The following PLD1 variants were observed in gnomAD, a reference collection of about 807,000 sequenced individuals.
PLD1 encodes the protein choline phosphatase 1.
Under a neutral mutation model 137.1 loss-of-function variants are expected in PLD1, and 112 were observed. The observed-to-expected ratio is 0.82, with a 90% CI of 0.70 to 0.96. The LOEUF is 0.96. PLD1 is among the 40% of genes least tolerant of loss of function. PLD1 has a pLI of 0.00. For synonymous variants in PLD1, 431 were observed against 454.7 expected, an observed-to-expected ratio of 0.95 and a Z score of 0.66; for missense variants, 1,321 against 1,342.0, an observed-to-expected ratio of 0.98 and a Z score of 0.24.
intron 22 of PLD1, among the ~76,000 whole-genome samples, chr3:171,644,154 A>C (rs1047469223): frequency 6.6e-6 from 1 of 152,166 alleles, no homozygotes; most frequent in Non-Finnish European, 1.5e-5. Context: ...TTTGATTAGA[A>C]AGGTGAGAAA....
chr3:171,622,904 C>T (rs968616583), intron 23 of PLD1, among the ~76,000 whole-genome samples: 2 of 151,580 alleles, frequency 1.3e-5, no homozygotes, highest in African/African-American at 4.8e-5. Context: ...ACAATAACCA[C>T]TTAGAGAATA....
intron 12 of PLD1, among the ~76,000 whole-genome samples, chr3:171,696,186 A>G (rs1715672572): frequency 6.6e-6 from 1 of 152,202 alleles, no homozygotes; most frequent in African/African-American, 2.4e-5. Flanking sequence ...ACAAGCTTCT[A>G]AGGTTGAGAT....
intron 1 of PLD1, among the ~76,000 whole-genome samples, chr3:171,748,032 T>C (rs1445193264): frequency 6.6e-6 from 1 of 152,198 alleles, no homozygotes; most frequent in African/African-American, 2.4e-5. Context: ...TCAACATTAC[T>C]AAATGTTAGA....
chr3:171,642,407 G>C (rs1735828689), intron 23 of PLD1, among the ~76,000 whole-genome samples: 1 of 145,148 alleles, frequency 6.9e-6, no homozygotes, highest in African/African-American at 2.7e-5. Context: ...CAGTGAGCTG[G>C]GACCACACCA....
chr3:171,737,791 C>G, intron 2 of PLD1, 101 bp downstream of exon 2: 1 of 1,409,250 alleles, frequency 7.1e-7, no homozygotes, highest in Non-Finnish European at 9.7e-7. Context: ...GGTGTTACAT[C>G]TGCAAGGAAA....
At position 171,713,936 on chromosome 3, in the gene PLD1, C is replaced by G. The variant is rs142070781; in HGVS notation, c.868G>C (p.Glu290Gln). 2,767 of 1,613,138 alleles carry G rather than the reference C, an allele frequency of 1.7e-3. 8 individuals are homozygous for G. The highest frequency in any genetic ancestry group is 3.1e-3 in the Middle Eastern group (19 of 6,058). The part of the protein sequence containing the change: ...KEFKIKVGKK[E>Q]TETKYGIRID... ...CGGATTCCATATTTCGTTTCTGTCT[C>G]CTTCTTCCCCACCTTAATTTTGAAT... is the stretch of plus-strand genomic sequence containing the variant. The change falls in exon 9 of 27, where the codon GAG (glutamate) becomes CAG (glutamine). Residue 290 changes from glutamate (E) to glutamine (Q), a missense_variant. Transcript: ENST00000351298.
intron 19 of PLD1, among the ~76,000 whole-genome samples, chr3:171,671,913 A>C (rs1442815005): frequency 2.0e-5 from 3 of 151,894 alleles, no homozygotes; most frequent in Non-Finnish European, 4.4e-5. Context: ...AAAAAAAAAA[A>C]CATCCAAAGT....
intron 2 of PLD1, 94 bp downstream of exon 2, chr3:171,737,798 G>T: frequency 7.0e-7 from 1 of 1,434,904 alleles, no homozygotes; most frequent in Non-Finnish European, 9.5e-7. Flanking sequence ...CATCTGCAAG[G>T]AAAATCAATC....
intron 18 of PLD1, among the ~76,000 whole-genome samples, 175 bp from the exon 19 acceptor site, chr3:171,674,788 G>C (rs1381186228): frequency 6.6e-6 from 1 of 151,862 alleles, no homozygotes; most frequent in African/African-American, 2.4e-5. Flanking sequence ...GATCAGCCTG[G>C]CCAACACGGT....
At chr3:171,792,537 C>T (rs890955955) in intron 1 of PLD1, 2 of 455,994 alleles carry the variant, frequency 4.4e-6, no homozygotes, top group Non-Finnish European at 8.8e-6. Context: ...GCTGAGCAAA[C>T]CAGGGGACAA....
intron 19 of PLD1, among the ~76,000 whole-genome samples, chr3:171,669,701 T>G (rs1373238717): frequency 1.3e-5 from 2 of 152,270 alleles, no homozygotes; most frequent in African/African-American, 4.8e-5. Context: ...GCGCCCAGCC[T>G]GTTGCAAACT....
intron 23 of PLD1, among the ~76,000 whole-genome samples, chr3:171,621,917 T>C (rs1336993009): frequency 2.1e-4 from 32 of 152,176 alleles, no homozygotes; most frequent in Admixed American, 2.1e-3. Flanking sequence ...ATTTATATAA[T>C]CTTCAAGTTA....
rs1731807667 is a variant in PLD1 at position 171,601,160 on chromosome 3, G to A, written c.*1918C>T. 6.6e-6 allele frequency: 1 copy of A among 152,206 alleles called. No individual in the cohort carries two copies. Among genetic ancestry groups the A allele is most frequent in the South Asian group, 2.1e-4 (1 of 4,832 alleles). The allele number at this position is 152,206 out of a possible 1,614,324, so 9.4% of individuals were successfully genotyped here. A position where few individuals can be genotyped will look rare whatever the true frequency, so the allele number is the denominator to read the frequency against. On this transcript the variant is annotated 3_prime_UTR_variant, in exon 27 of 27. Transcript: ENST00000351298. ...CCCAGCTCTACCATCTACACATTGA[G>A]TGGATTTAAGTGAGTTCTCATCTGA...
At chr3:171,603,755 C>T (rs1480796180) in intron 26 of PLD1, among the ~76,000 whole-genome samples, 1 of 152,116 alleles carries the variant, frequency 6.6e-6, no homozygotes, top group Non-Finnish European at 1.5e-5. Flanking sequence ...TATCATAACA[C>T]TTCACCCCTG....
chr3:171,627,136 T>C (rs551259009), intron 23 of PLD1, among the ~76,000 whole-genome samples: 5 of 152,058 alleles, frequency 3.3e-5, no homozygotes, highest in East Asian at 1.9e-4. Context: ...GAGACACACA[T>C]AGGCTCAAAA....
intron 1 of PLD1, chr3:171,765,381 G>A (rs1275296419): frequency 6.6e-6 from 1 of 152,138 alleles, no homozygotes; most frequent in Non-Finnish European, 1.5e-5. Context: ...TGAGAGTAAT[G>A]AGCATGCTGG....
At chr3:171,677,877 C>T in intron 16 of PLD1, 183 bp from the exon 17 acceptor site, 1 of 494,042 alleles carries the variant, frequency 2.0e-6, no homozygotes, top group Non-Finnish European at 3.5e-6. Flanking sequence ...TACAAGTTTA[C>T]TTTTAGTGGG....
At chr3:171,725,412 G>GCA (rs1718429865) in intron 7 of PLD1, among the ~76,000 whole-genome samples, 1 of 152,162 alleles carries the variant, frequency 6.6e-6, no homozygotes, top group African/African-American at 2.4e-5. Flanking sequence ...GCCAAAGGAA[G>GCA]CAGAGCACAG....
intron 1 of PLD1, among the ~76,000 whole-genome samples, chr3:171,800,180 C>T (rs1236024631): frequency 2.0e-5 from 3 of 152,098 alleles, no homozygotes; most frequent in Non-Finnish European, 4.4e-5. Flanking sequence ...TTCTGCAAAT[C>T]TAAAACAAAC....
Sources: gnomAD v4.1 joint callset for allele counts (sites outside exome capture counted in the v4.1 genomes callset) on GRCh38, gnomAD v4.1.1 for gene constraint, MANE v1.5 for transcripts, NCBI Gene and HGNC (gene_info 2026-07-23, HGNC 2026-07-21) for gene names.